ZNF827: variants seen among roughly 807,000 people sequenced by gnomAD.
ZNF827 encodes the protein zinc finger protein 827.
A neutral mutation model predicts 102.4 loss-of-function variants in ZNF827; 13 were observed. The ratio of observed to expected loss-of-function variants is 0.13; its 90% CI spans 0.08 to 0.20. The LOEUF (loss-of-function observed/expected upper bound fraction) is 0.20. Among genes scored for constraint, ZNF827 ranks in the 10% least tolerant of loss-of-function variants. The probability of loss-of-function intolerance (pLI) is 1.00; values close to 1 mark genes in which losing one functional copy is unlikely to be tolerated. For missense variants in ZNF827, 1,103 were observed against 1,344.4 expected (o/e 0.82, Z 2.81); for synonymous variants, 523 against 536.2 (o/e 0.98, Z 0.34).
intron 8 of ZNF827, among the ~76,000 whole-genome samples, chr4:145,819,483 T>G (rs1344254995): frequency 6.6e-6 from 1 of 152,220 alleles, no homozygotes; most frequent in Non-Finnish European, 1.5e-5. Flanking sequence ...GGTCTGCTTT[T>G]AATACAGAAT....
At position 145,837,551 on chromosome 4, in the gene ZNF827, G is replaced by A. The variant is rs550677412; in HGVS notation, c.2279+8405C>T. ...TCACCGTTCTCAACTACTCATACAT[G>A]CCCTGCTCTTGTTTACACTGCCGGT... On this transcript the variant is annotated intron_variant, in intron 7 of 14. Coordinates refer to ENST00000508784, the MANE Select transcript of ZNF827 (RefSeq NM_001306215.2). 2.5e-4 allele frequency among the ~76,000 whole-genome samples: 38 copies of A among 152,098 alleles called. 1 individual carries two copies. The East Asian group carries it at 7.1e-3, about 29-fold the overall frequency.
At chr4:145,796,692 C>T (rs997886045) in intron 8 of ZNF827, among the ~76,000 whole-genome samples, 6 of 145,742 alleles carry the variant, frequency 4.1e-5, no homozygotes, top group Non-Finnish European at 7.5e-5. Context: ...TGCAGTGGCA[C>T]GATCTCAGCT....
At chr4:145,870,106 T>C in intron 5 of ZNF827, 139 bp downstream of exon 5, 7 of 797,906 alleles carry the variant, frequency 8.8e-6, no homozygotes, top group Non-Finnish European at 1.2e-5. Flanking sequence ...TTAAGCCAAG[T>C]AATCTGATCG....
At chr4:145,828,970 C>T (rs1439193992) in intron 7 of ZNF827, among the ~76,000 whole-genome samples, 1 of 152,204 alleles carries the variant, frequency 6.6e-6, no homozygotes, top group African/African-American at 2.4e-5. Flanking sequence ...GGCTCATCTA[C>T]TTAAAATCAA....
chr4:145,824,810 C>T (rs546347690), intron 7 of ZNF827, among the ~76,000 whole-genome samples: 1 of 152,346 alleles, frequency 6.6e-6, no homozygotes, highest in African/African-American at 2.4e-5. Context: ...CTTTGCTAAA[C>T]ATGCCACAAG....
chr4:145,815,638 A>T (rs1742529090), intron 8 of ZNF827, among the ~76,000 whole-genome samples: 1 of 152,276 alleles, frequency 6.6e-6, no homozygotes, highest in East Asian at 1.9e-4. Context: ...CACAAAGAAG[A>T]AATTGCATGA....
intron 5 of ZNF827, among the ~76,000 whole-genome samples, chr4:145,868,815 G>C (rs2126749226): frequency 6.6e-6 from 1 of 152,334 alleles, no homozygotes; most frequent in South Asian, 2.1e-4. Context: ...GAGGGAGACA[G>C]GGGTCACTGT....
At chr4:145,806,459 A>C (rs1478693308) in intron 8 of ZNF827, among the ~76,000 whole-genome samples, 1 of 152,106 alleles carries the variant, frequency 6.6e-6, no homozygotes, top group Non-Finnish European at 1.5e-5. Context: ...CTGGGCCATG[A>C]ATGAATGAAC....
intron 5 of ZNF827, among the ~76,000 whole-genome samples, chr4:145,859,996 A>G (rs1747545859): frequency 6.6e-6 from 1 of 152,218 alleles, no homozygotes; most frequent in Admixed American, 6.5e-5. Flanking sequence ...TAAACGTGTA[A>G]TTCTGTCCTG....
chr4:145,912,369 T>C (rs1752354627), intron 1 of ZNF827, among the ~76,000 whole-genome samples: 2 of 152,240 alleles, frequency 1.3e-5, no homozygotes, highest in South Asian at 4.1e-4. Context: ...TTCTCCATTA[T>C]ATCCTCAGCA....
At position 145,902,709 on chromosome 4, in the gene ZNF827, T is replaced by C. The variant is rs1164422372; in HGVS notation, c.550A>G (p.Thr184Ala). The C allele has an allele frequency of 1.9e-6, 3 of 1,613,678 alleles. No homozygotes were observed. In the Admixed American group the frequency reaches 5.0e-5, roughly 27 times the overall value. ...TTCCATATAAAACGGTTACTTGGAG[T>C]GTATTGGTCATTCTGTTCCTGCTTC... The part of the protein sequence containing the change: ...AEKQEQNDQY[T>A]PSNRFIWNQG... Residue 184 changes from threonine (T) to alanine (A), a missense_variant, in exon 2 of 15, where the codon ACT becomes GCT. Transcript: ENST00000508784. The surrounding 1 kb of genome is among the most constrained non-coding windows in gnomAD (Gnocchi z 4.3).
rs1175631897 is a variant in ZNF827, at chr4:145,937,397, C to T, written c.43+968G>A. ...GAGTCTCGCCCGGCTCCGTCTGCTC[C>T]GACTGACCCCGCATTTTATTGCGGC... On this transcript the variant is annotated intron_variant, in intron 1 of 14. Transcript: ENST00000508784. Among the ~76,000 whole-genome samples the T allele has an allele frequency of 3.2e-4, 48 of 151,908 alleles. 1 individual carries two copies. The highest frequency in any genetic ancestry group is 7.4e-5 in the Non-Finnish European group (5 of 67,882).
At chr4:145,774,743 A>G in intron 10 of ZNF827, 71 bp from the exon 11 acceptor site, 6 of 1,502,866 alleles carry the variant, frequency 4.0e-6, no homozygotes, top group Non-Finnish European at 5.5e-6. Flanking sequence ...TAGGCTGTCC[A>G]TTTATACACA....
At chr4:145,901,799 C>G (rs1405699478) in intron 2 of ZNF827, among the ~76,000 whole-genome samples, 1 of 152,030 alleles carries the variant, frequency 6.6e-6, no homozygotes, top group African/African-American at 2.4e-5. Flanking sequence ...TTTTTTTCCC[C>G]TTATGTTCAG....
chr4:145,885,669 T>C lies in ZNF827; in HGVS notation c.1747+9A>G. On this transcript the variant is annotated intron_variant, in intron 4 of 14. Coordinates refer to ENST00000508784, the MANE Select transcript of ZNF827 (RefSeq NM_001306215.2). ...GAGAGAGAGAGAGAATACAACCCTA[T>C]TCAAGTACCTGACAGCTTCATGAGA... The C allele has an allele frequency of 1.3e-6, 2 of 1,513,104 alleles. No individual in the cohort carries two copies. The highest frequency in any genetic ancestry group is 2.7e-5 in the South Asian group (2 of 75,352). 93.7% of individuals were successfully genotyped at this position (1,513,104 alleles called of 1,614,324 possible).
At chr4:145,831,079 A>G (rs1311555062) in intron 7 of ZNF827, 7 of 152,222 alleles carry the variant, frequency 4.6e-5, no homozygotes. Flanking sequence ...TTCCCTTTTC[A>G]ATACCACAGA....
intron 3 of ZNF827, among the ~76,000 whole-genome samples, chr4:145,891,951 C>T (rs1039250523): frequency 2.0e-5 from 3 of 152,196 alleles, no homozygotes; most frequent in Admixed American, 2.0e-4. Context: ...CCAAGAAATG[C>T]GTCAGCACAC....
At position 145,821,560 on chromosome 4, in the gene ZNF827, CAA is replaced by C. The variant is rs947365318; in HGVS notation, c.2383+1860_2383+1861del. Among the ~76,000 whole-genome samples the C allele has an allele frequency of 2.6e-5, 4 of 151,444 alleles. No homozygotes were observed. In the East Asian group the frequency reaches 7.7e-4, roughly 29 times the overall value. On this transcript the variant is annotated intron_variant, in intron 8 of 14. Transcript: ENST00000508784. The stretch of plus-strand genomic sequence containing the variant: ...AGCATTTTCACCTTGCTTATTAAAA[CAA>C]AAAAAGTCTTTTTTTTTTAGCTGCT...
In ZNF827 at chr4:145,765,607, C is replaced by T. The variant is rs1180434583; in HGVS notation, c.2992G>A (p.Val998Ile). The stretch of plus-strand genomic sequence containing the variant: ...TGGCTCCCAGGCATGACAGAGATGA[C>T]CAGCAGATTGTTCCCGCCCTTGTTT... Reference protein sequence around the residue: ...QKNKGGNNLLVISVMPGSQPS... With the variant: ...QKNKGGNNLLIISVMPGSQPS... Residue 998 changes from valine (V) to isoleucine (I), a missense_variant, in exon 12 of 15, where the codon GTC becomes ATC. Physicochemically the swap from Val to Ile is conservative, Grantham distance 29. This residue lies in a region of ZNF827 where 242 missense variants were observed against 361.9 expected (regional missense o/e 0.67). Coordinates refer to ENST00000508784, the MANE Select transcript of ZNF827 (RefSeq NM_001306215.2). This position sits in a 1 kb window ranked among gnomAD's most constrained non-coding sequence, Gnocchi z 4.7. The T allele has an allele frequency of 6.2e-7, 1 of 1,614,070 alleles. No homozygotes were observed. The highest frequency in any genetic ancestry group is 8.5e-7 in the Non-Finnish European group (1 of 1,180,000).
Sources: allele counts gnomAD v4.1 joint callset (sites outside exome capture counted in the v4.1 genomes callset), GRCh38; gene constraint gnomAD v4.1.1; regional missense constraint gnomAD v4.1.1; non-coding constraint Gnocchi (gnomAD v3.1); transcripts MANE v1.5; gene names NCBI Gene and HGNC (gene_info 2026-07-23, HGNC 2026-07-21).